NTRK3: variants seen among roughly 807,000 people sequenced by gnomAD.
The protein encoded by NTRK3 is neurotrophic receptor tyrosine kinase 3.
Under a neutral mutation model 91.7 loss-of-function variants are expected in NTRK3, and 24 were observed. The ratio of observed to expected loss-of-function variants is 0.26; its 90% confidence interval spans 0.19 to 0.37. NTRK3 has a LOEUF of 0.37. Among genes scored for constraint, NTRK3 ranks in the 10% least tolerant of loss-of-function variants. NTRK3 has a pLI of 1.00. For synonymous variants in NTRK3, 483 were observed against 404.0 expected (o/e 1.20, Z -2.34); for missense variants, 880 against 1,068.9 (o/e 0.82, Z 2.46).
chr15:88,052,460 A>G (rs1438460486), intron 13 of NTRK3, among the ~76,000 whole-genome samples: 2 of 152,236 alleles, frequency 1.3e-5, no homozygotes, highest in African/African-American at 4.8e-5. Context: ...TAAGCACGCT[A>G]TGACTCTAAC....
At chr15:88,041,007 AGTTCTGC>A (rs2079552857) in intron 13 of NTRK3, among the ~76,000 whole-genome samples, 1 of 152,206 alleles carries the variant, frequency 6.6e-6, no homozygotes, top group African/African-American at 2.4e-5. Context: ...TTGACTCCAA[AGTTCTGC>A]GTCTTCACAC....
intron 5 of NTRK3, among the ~76,000 whole-genome samples, chr15:88,182,088 G>T (rs1019298773): frequency 5.9e-5 from 9 of 152,130 alleles, no homozygotes; most frequent in Non-Finnish European, 1.2e-4. Context: ...GGGGCAAGGG[G>T]CAACAGTTAA....
At chr15:88,123,221 A>C (rs2151080366) in intron 13 of NTRK3, among the ~76,000 whole-genome samples, 1 of 152,304 alleles carries the variant, frequency 6.6e-6, no homozygotes, top group Admixed American at 6.5e-5. Context: ...CAACCCAGTG[A>C]GGGAGGTAGT....
chr15:88,137,632 G>A (rs916235988), intron 6 of NTRK3, 71 bp from the exon 7 acceptor site: 4 of 1,515,524 alleles, frequency 2.6e-6, no homozygotes, highest in Admixed American at 1.8e-5. Context: ...AGGGCTATGA[G>A]GACAAGGGGG....
At chr15:87,985,678 C>A (rs146074389) in intron 14 of NTRK3, among the ~76,000 whole-genome samples, 11 of 152,240 alleles carry the variant, frequency 7.2e-5, no homozygotes, top group Non-Finnish European at 1.5e-4. Context: ...GCTGAATGTA[C>A]CCCGACTACA....
Position 88,196,495 on chromosome 15 carries a change from A to G in NTRK3, c.249-12196T>C, listed in dbSNP as rs117833619. Reference sequence around the variant, plus strand: ...GGGCCAGCTCCTGTAAGACCTGAGCACTGAGAGGAACACCTACTTACATCT... The same window carrying G: ...GGGCCAGCTCCTGTAAGACCTGAGCGCTGAGAGGAACACCTACTTACATCT... On this transcript the variant is annotated intron_variant, in intron 3 of 18. Transcript: ENST00000394480. Among the ~76,000 whole-genome samples, 125 of 152,354 alleles carry G rather than the reference A, an allele frequency of 8.2e-4. 1 individual carries two copies. In the East Asian group the frequency reaches 0.023, roughly 28 times the overall value.
At chr15:88,161,138 T>C (rs2044414715) in intron 5 of NTRK3, among the ~76,000 whole-genome samples, 1 of 152,230 alleles carries the variant, frequency 6.6e-6, no homozygotes, top group South Asian at 2.1e-4. Flanking sequence ...AACATGGTGA[T>C]TGCTCTTGGC....
chr15:88,030,859 C>T (rs1034219476), intron 14 of NTRK3, among the ~76,000 whole-genome samples: 5 of 151,748 alleles, frequency 3.3e-5, no homozygotes, highest in African/African-American at 1.2e-4. Context: ...TGTTTCAACT[C>T]TCATACTATA....
chr15:88,094,385 C>T (rs2049356459), intron 13 of NTRK3, among the ~76,000 whole-genome samples: 1 of 141,066 alleles, frequency 7.1e-6, no homozygotes, highest in African/African-American at 2.7e-5. Flanking sequence ...AGGAGAATGG[C>T]GTGAACCCGG....
At chr15:88,022,828 C>T (rs535617885) in intron 14 of NTRK3, among the ~76,000 whole-genome samples, 6 of 152,220 alleles carry the variant, frequency 3.9e-5, no homozygotes, top group African/African-American at 1.2e-4. Context: ...CATAATTAGA[C>T]CTAATTACTT....
chr15:87,996,994 T>C (rs985267041), intron 14 of NTRK3, among the ~76,000 whole-genome samples: 3 of 152,252 alleles, frequency 2.0e-5, no homozygotes, highest in African/African-American at 7.2e-5. Flanking sequence ...CTGTTTCCTC[T>C]TCCTAAATGA....
At chr15:87,911,870 G>C (rs1399093604) in intron 17 of NTRK3, among the ~76,000 whole-genome samples, 2 of 152,168 alleles carry the variant, frequency 1.3e-5, no homozygotes, top group Non-Finnish European at 2.9e-5. Flanking sequence ...GTGAAATAAG[G>C]CATGAATACT....
chr15:87,934,746 C>T (rs2069118444), intron 15 of NTRK3, among the ~76,000 whole-genome samples: 3 of 152,116 alleles, frequency 2.0e-5, no homozygotes, highest in African/African-American at 7.2e-5. Flanking sequence ...CACATTCACA[C>T]TAATTAAATG....
exon 19 of NTRK3, chr15:87,860,201 C>T: frequency 4.5e-6 from 1 of 222,736 alleles, no homozygotes; most frequent in Non-Finnish European, 9.0e-6. Context: ...GGGATGGAAG[C>T]ATGAGGGTGA....
At chr15:88,067,151 A>T (rs1406953455) in intron 13 of NTRK3, among the ~76,000 whole-genome samples, 3 of 152,170 alleles carry the variant, frequency 2.0e-5, no homozygotes, top group African/African-American at 2.4e-5. Flanking sequence ...CCCTTGGATC[A>T]GTTCCATGCA....
chr15:87,974,217 C>T, intron 14 of NTRK3, among the ~76,000 whole-genome samples: 1 of 152,132 alleles, frequency 6.6e-6, no homozygotes, highest in East Asian at 1.9e-4. Context: ...GATGTGGCTG[C>T]TGGGAGCTTG....
intron 10 of NTRK3, among the ~76,000 whole-genome samples, chr15:88,129,089 G>A (rs555181934): frequency 2.6e-5 from 4 of 152,328 alleles, no homozygotes; most frequent in African/African-American, 9.6e-5. Context: ...TGCTGGGAAT[G>A]GGGCGACAGG....
chr15:88,023,529 A>C (rs1331863935), intron 14 of NTRK3, among the ~76,000 whole-genome samples: 5 of 152,224 alleles, frequency 3.3e-5, no homozygotes, highest in Admixed American at 3.3e-4. Context: ...AAATGTTTCC[A>C]TTATTAACCA....
intron 13 of NTRK3, among the ~76,000 whole-genome samples, chr15:88,052,840 T>A (rs1423970378): frequency 6.6e-6 from 1 of 152,140 alleles, no homozygotes; most frequent in Admixed American, 6.5e-5. Context: ...GTTGTCACAT[T>A]CCAGGTATTT....
Sources: gnomAD v4.1 joint callset for allele counts (sites outside exome capture counted in the v4.1 genomes callset) on GRCh38, gnomAD v4.1.1 for gene constraint, MANE v1.5 for transcripts, NCBI Gene and HGNC (gene_info 2026-07-23, HGNC 2026-07-21) for gene names.